Variants in TM7SF2 observed in about 807,000 individuals in gnomAD.
TM7SF2 encodes the protein delta(14)-sterol reductase TM7SF2.
TM7SF2 carries 51 observed loss-of-function variants against 51.0 expected under a neutral mutation model. The observed-to-expected ratio is 1.00, with a 90% CI of 0.80 to 1.26. The LOEUF (loss-of-function observed/expected upper bound fraction) is 1.26, where lower values mean the gene tolerates loss of function less well. Among genes scored for constraint, TM7SF2 ranks in the 50% most tolerant of loss-of-function variants. TM7SF2 has a pLI of 0.00. For synonymous variants in TM7SF2, 255 were observed against 241.0 expected, an observed-to-expected ratio of 1.06 and a Z score of -0.54; for missense variants, 541 against 547.4, an observed-to-expected ratio of 0.99 and a Z score of 0.12.
intron 5 of TM7SF2, 28 bp downstream of exon 5, chr11:65,113,622 C>G: frequency 1.3e-6 from 2 of 1,590,350 alleles, no homozygotes; most frequent in Non-Finnish European, 8.6e-7. Context: ...GAGCTGGCCT[C>G]AGGCCAGGGG....
intron 1 of TM7SF2, chr11:65,112,287 G>A: frequency 1.5e-6 from 1 of 653,558 alleles, no homozygotes. Flanking sequence ...TCGACTGGGA[G>A]CAGGAGGAGG....
At chr11:65,113,667 G>T (rs1278916986) in intron 5 of TM7SF2, 73 bp downstream of exon 5, 1 of 1,356,718 alleles carries the variant, frequency 7.4e-7, no homozygotes, top group African/African-American at 1.4e-5. Context: ...CTTGGGCAGG[G>T]CAGGGCCAAA....
At chr11:65,113,156 T>C in intron 3 of TM7SF2, 64 bp from the exon 4 acceptor site, 8 of 1,461,334 alleles carry the variant, frequency 5.5e-6, no homozygotes, top group Non-Finnish European at 7.3e-6. Flanking sequence ...GGGCTCTGCG[T>C]GTGTTTGCGG....
Position 65,112,826 on chromosome 11 carries a change from G to A in TM7SF2, c.265G>A (p.Glu89Lys). The A allele has an allele frequency of 6.4e-7, 1 of 1,550,588 alleles. No individual in the cohort carries two copies. The highest frequency in any genetic ancestry group is 8.7e-7 in the Non-Finnish European group (1 of 1,147,000). ...GGACCCGCAGGTGGCCGAGGGGCAGGAATTGAAGGACAAGAGTCGCCTGCG... is the reference window on the plus strand; with the variant it reads ...GGACCCGCAGGTGGCCGAGGGGCAGAAATTGAAGGACAAGAGTCGCCTGCG... The part of the protein sequence containing the change: ...LPARKVAEGQ[E>K]LKDKSRLRYP... The change falls in exon 3 of 10, where the codon GAA (glutamate) becomes AAA (lysine). Residue 89 changes from glutamate (E) to lysine (K), a missense_variant. Coordinates refer to ENST00000279263, the MANE Select transcript of TM7SF2 (RefSeq NM_003273.6).
Position 65,115,904 on chromosome 11 carries a change from C to G in TM7SF2, c.1108C>G (p.Leu370Val). The change falls in exon 10 of 10, where the codon CTG (leucine) becomes GTG (valine). Residue 370 changes from leucine (L) to valine (V), a missense_variant. By Grantham distance (32) the Leu-to-Val change is conservative. Transcript: ENST00000279263. ...CTCCTTCTCTACAGGGGTGTCACAC[C>G]TGCTGCCCTACTTCTACCTCCTCTA... ...AWSLPCGVSH[L>V]LPYFYLLYFT... 1 of 1,614,092 alleles carries G rather than the reference C, an allele frequency of 6.2e-7. No individual in the cohort carries two copies. Among genetic ancestry groups the G allele is most frequent in the Non-Finnish European group, 8.5e-7 (1 of 1,180,010 alleles).
chr11:65,113,536 G>C lies in TM7SF2; in HGVS notation c.545G>C (p.Arg182Pro), dbSNP rs368193705. ...DFFLGRELNP[R>P]ICFFDFKYFC... ...TTTCTGGGACGAGAGCTCAACCCTC[G>C]TATCTGTTTCTTCGACTTCAAATAT... The change falls in exon 5 of 10, where the codon CGT (arginine) becomes CCT (proline). Residue 182 changes from arginine (R) to proline (P), a missense_variant. By Grantham distance (103) the Arg-to-Pro change is moderately radical. Coordinates refer to ENST00000279263, the MANE Select transcript of TM7SF2 (RefSeq NM_003273.6). 6.2e-7 allele frequency: 1 copy of C among 1,614,050 alleles called. No individual in the cohort carries two copies. Among genetic ancestry groups the C allele is most frequent in the Non-Finnish European group, 8.5e-7 (1 of 1,179,986 alleles).
Position 65,114,997 on chromosome 11 carries a change from AC to A in TM7SF2, c.810del (p.Tyr271ThrfsTer197). 6.2e-7 allele frequency: 1 copy of A among 1,614,104 alleles called. No individual in the cohort carries two copies. Among genetic ancestry groups the A allele is most frequent in the Non-Finnish European group, 8.5e-7 (1 of 1,180,000 alleles). ...AFGDMAWVPF[T>X]YSLQAQFLLH... ...TGGGGACATGGCCTGGGTGCCCTTC[AC>A]CTACAGCCTGCAGGCCCAGTTCCTG... is the stretch of plus-strand genomic sequence containing the variant. On this transcript the variant is annotated frameshift_variant, in exon 7 of 10. Transcript: ENST00000279263. LOFTEE classifies it high-confidence loss of function.
At chr11:65,112,402 G>A in intron 1 of TM7SF2, 113 bp from the exon 2 acceptor site, 1 of 1,189,754 alleles carries the variant, frequency 8.4e-7, no homozygotes, top group Non-Finnish European at 1.1e-6. Flanking sequence ...GGGTGCGGAG[G>A]CGCACTCTGG....
chr11:65,114,984 C>A lies in TM7SF2; in HGVS notation c.795C>A (p.Ala265=). 6.2e-7 allele frequency: 1 copy of A among 1,614,216 alleles called. No individual in the cohort carries two copies. Among genetic ancestry groups the A allele is most frequent in the Non-Finnish European group, 8.5e-7 (1 of 1,180,032 alleles). Residue 265 remains alanine (A), a synonymous_variant, in exon 7 of 10, where the codon GCC becomes GCA. Transcript: ENST00000279263. ...TCATGCTGGCGTTTGGGGACATGGCCTGGGTGCCCTTCACCTACAGCCTGC... is the reference window on the plus strand; with the variant it reads ...TCATGCTGGCGTTTGGGGACATGGCATGGGTGCCCTTCACCTACAGCCTGC... ...FGFMLAFGDM[A]WVPFTYSLQA...
intron 4 of TM7SF2, 29 bp from the exon 5 acceptor site, chr11:65,113,462 C>T (rs1046889194): frequency 1.2e-6 from 2 of 1,614,016 alleles, no homozygotes; most frequent in African/African-American, 2.7e-5. Context: ...GGGCGTCTGC[C>T]TGTACATTCA....
chr11:65,114,490 G>C (rs1415813179), intron 5 of TM7SF2, among the ~76,000 whole-genome samples: 1 of 152,252 alleles, frequency 6.6e-6, no homozygotes, highest in Non-Finnish European at 1.5e-5. Flanking sequence ...AAACAGGTCT[G>C]TTTGAGCACT....
At chr11:65,112,397 C>T (rs949273494) in intron 1 of TM7SF2, 118 bp from the exon 2 acceptor site, 66 of 1,149,418 alleles carry the variant, frequency 5.7e-5, no homozygotes, top group Non-Finnish European at 7.1e-5. Flanking sequence ...GGACGGGGTG[C>T]GGAGGCGCAC....
In TM7SF2 at chr11:65,111,965, T is replaced by A; in HGVS notation, c.-51T>A. The A allele has an allele frequency of 6.5e-7, 1 of 1,549,038 alleles. No homozygotes were observed. The highest frequency in any genetic ancestry group is 8.8e-7 in the Non-Finnish European group (1 of 1,142,654). ...TCCTGGGAAATGGGGCGGACAGTGT[T>A]TCCTTGACTGACTATTGTGAGCGCC... On this transcript the variant is annotated 5_prime_UTR_variant, in exon 1 of 10. Transcript: ENST00000279263.
In TM7SF2 at chr11:65,116,198, G is replaced by C. The variant is rs1386419359; in HGVS notation, c.*145G>C. 5.6e-6 allele frequency: 7 copies of C among 1,258,104 alleles called. No homozygotes were observed. The South Asian group carries it at 6.1e-5, about 11-fold the overall frequency. The allele number at this position is 1,258,104 out of a possible 1,614,324, so 77.9% of individuals were successfully genotyped here. A position where few individuals can be genotyped will look rare whatever the true frequency, so the allele number is the denominator to read the frequency against. ...ACAACCTCAGAGAAGAGGTGGTTTA[G>C]AGCAAGGAAAAAAATGAAACCAGTG... On this transcript the variant is annotated 3_prime_UTR_variant, in exon 10 of 10. Transcript: ENST00000279263.
chr11:65,112,505 C>T lies in TM7SF2; in HGVS notation c.53-10C>T. ...GGGGCGGACGCCCGACGTGATGGCC[C>T]TTCCCGCAGGCGCCGCGGCTCTGCT... is the stretch of plus-strand genomic sequence containing the variant. On this transcript the variant is annotated splice_polypyrimidine_tract_variant and intron_variant, in intron 1 of 9. Coordinates refer to ENST00000279263, the MANE Select transcript of TM7SF2 (RefSeq NM_003273.6). 2 of 1,508,500 alleles carry T rather than the reference C, an allele frequency of 1.3e-6. No individual in the cohort carries two copies. Among genetic ancestry groups the T allele is most frequent in the East Asian group, 2.7e-5 (1 of 36,624 alleles). 93.4% of individuals were successfully genotyped at this position (1,508,500 alleles called of 1,614,324 possible). A position where few individuals can be genotyped will look rare whatever the true frequency, so the allele number is the denominator to read the frequency against.
At position 65,112,693 on chromosome 11, in the gene TM7SF2, C is replaced by T; in HGVS notation, c.231C>T (p.Tyr77=). 1.9e-6 allele frequency: 3 copies of T among 1,543,120 alleles called. No homozygotes were observed. The highest frequency in any genetic ancestry group is 1.2e-5 in the South Asian group (1 of 83,672). The change falls in exon 2 of 10, where the codon TAC becomes TAT. Residue 77 remains tyrosine (Y), a synonymous_variant. Transcript: ENST00000279263. ...GGCTCGGCCTGCAGGCGGCGCTCTA[C>T]CTACTGCCGGCGCGCAAGGTGCGGG... is the stretch of plus-strand genomic sequence containing the variant. ...LAWLGLQAAL[Y]LLPARKVAEG...
rs372729147 is a variant in TM7SF2 at position 65,115,389 on chromosome 11, T to G, written c.968T>G (p.Val323Gly). 1 of 1,614,092 alleles carries G rather than the reference T, an allele frequency of 6.2e-7. No individual in the cohort carries two copies. Among genetic ancestry groups the G allele is most frequent in the Non-Finnish European group, 8.5e-7 (1 of 1,180,002 alleles). Residue 323 changes from valine to glycine, a missense_variant, in exon 8 of 10, where the codon GTG becomes GGG. Physicochemically the swap from Val to Gly is moderately radical, Grantham distance 109. Coordinates refer to ENST00000279263, the MANE Select transcript of TM7SF2 (RefSeq NM_003273.6). ...CGAAAGAATCCTTCTGACCCCAGAGTGGCTGGTGAGCTGGTTCTCTAGGGC... is the reference window on the plus strand; with the variant it reads ...CGAAAGAATCCTTCTGACCCCAGAGGGGCTGGTGAGCTGGTTCTCTAGGGC... ...TFRKNPSDPR[V>G]AGLETISTAT...
chr11:65,111,914 G>A lies in TM7SF2; in HGVS notation c.-102G>A. The A allele has an allele frequency of 1.5e-6, 2 of 1,339,830 alleles. No individual in the cohort carries two copies. The highest frequency in any genetic ancestry group is 2.1e-6 in the Non-Finnish European group (2 of 956,304). 83.0% of individuals were successfully genotyped at this position (1,339,830 alleles called of 1,614,324 possible). A position where few individuals can be genotyped will look rare whatever the true frequency, so the allele number is the denominator to read the frequency against. ...AGGCAGGTGCAGGCGCCGCGGGGCC[G>A]GATCCTCCGCGCGGCCGAGTCCATC... On this transcript the variant is annotated 5_prime_UTR_variant, in exon 1 of 10. Coordinates refer to ENST00000279263, the MANE Select transcript of TM7SF2 (RefSeq NM_003273.6).
rs747334843 is a variant in TM7SF2, at chr11:65,112,000, C to T, written c.-16C>T. On this transcript the variant is annotated 5_prime_UTR_variant, in exon 1 of 10. Transcript: ENST00000279263. ...GACTATTGTGAGCGCCCTCTCTCTC[C>T]GGCGGAGCGGAGACCATGGCCCCCA... The T allele has an allele frequency of 2.5e-6, 4 of 1,577,578 alleles. No individual in the cohort carries two copies. In the African/African-American group the frequency reaches 4.0e-5, roughly 16 times the overall value.
Sources: gnomAD v4.1 joint callset for allele counts (sites outside exome capture counted in the v4.1 genomes callset) on GRCh38, gnomAD v4.1.1 for gene constraint, MANE v1.5 for transcripts, NCBI Gene and HGNC (gene_info 2026-07-23, HGNC 2026-07-21) for gene names.